Variants in SEMA5A observed in about 807,000 individuals in gnomAD.
The protein encoded by SEMA5A is semaphorin-5A.
A neutral mutation model predicts 135.5 loss-of-function variants in SEMA5A; 55 were observed. That is an observed-to-expected ratio of 0.41 (90% CI 0.33 to 0.51). The LOEUF is 0.51. SEMA5A is among the 20% of genes least tolerant of loss of function. SEMA5A has a pLI of 0.37. For synonymous variants in SEMA5A, 580 were observed against 546.5 expected (o/e 1.06, Z -0.85); for missense variants, 1,290 against 1,419.9 (o/e 0.91, Z 1.47).
At chr5:9,534,743 A>T (rs375260798) in intron 1 of SEMA5A, among the ~76,000 whole-genome samples, 1 of 152,202 alleles carries the variant, frequency 6.6e-6, no homozygotes, top group Non-Finnish European at 1.5e-5. Flanking sequence ...CACGGGCAGC[A>T]TGGGGCGGGG....
intron 1 of SEMA5A, among the ~76,000 whole-genome samples, chr5:9,452,130 T>C (rs1272903035): frequency 2.6e-5 from 4 of 152,206 alleles, no homozygotes; most frequent in Non-Finnish European, 4.4e-5. Context: ...GGCCCTGCCC[T>C]GTCTCCTAAT....
chr5:9,325,238 C>CT (rs10710962), intron 4 of SEMA5A, among the ~76,000 whole-genome samples: 4,031 of 145,184 alleles, frequency 0.028, 78 homozygotes, highest in Non-Finnish European at 0.04. Flanking sequence ...TATGGATCTA[C>CT]TTTTTTTTTT....
intron 1 of SEMA5A, among the ~76,000 whole-genome samples, chr5:9,490,914 C>G (rs1174391440): frequency 6.6e-6 from 1 of 152,202 alleles, no homozygotes; most frequent in Non-Finnish European, 1.5e-5. Flanking sequence ...TGCCTTTCCA[C>G]TGTGTCTTCT....
chr5:9,350,570 AG>A (rs1561173606), intron 3 of SEMA5A, among the ~76,000 whole-genome samples: 1 of 152,226 alleles, frequency 6.6e-6, no homozygotes, highest in Non-Finnish European at 1.5e-5. Flanking sequence ...GACTTCAGGA[AG>A]GGCTGGAGTC....
At chr5:9,361,286 G>A (rs1441464984) in intron 3 of SEMA5A, among the ~76,000 whole-genome samples, 3 of 138,912 alleles carry the variant, frequency 2.2e-5, no homozygotes, top group African/African-American at 5.5e-5. Context: ...GCAACAAAGC[G>A]AGACTCTGTC....
intron 16 of SEMA5A, among the ~76,000 whole-genome samples, chr5:9,088,659 T>TATATATATATATATATATATAC: frequency 1.8e-5 from 2 of 112,890 alleles, no homozygotes; most frequent in African/African-American, 8.5e-5. Flanking sequence ...TATATATATA[T>TATATATATATATATATATATAC]ACACACACAC....
chr5:9,234,319 T>G (rs911261671), intron 6 of SEMA5A, among the ~76,000 whole-genome samples: 1 of 152,202 alleles, frequency 6.6e-6, no homozygotes, highest in African/African-American at 2.4e-5. Context: ...TCCCAGGAGC[T>G]GGGCTTGGTC....
At chr5:9,282,757 C>T (rs1376741300) in intron 5 of SEMA5A, among the ~76,000 whole-genome samples, 1 of 152,144 alleles carries the variant, frequency 6.6e-6, no homozygotes, top group African/African-American at 2.4e-5. Flanking sequence ...ACATGTGCAC[C>T]TCCCCATCCC....
intron 1 of SEMA5A, among the ~76,000 whole-genome samples, chr5:9,460,954 C>T (rs1759032624): frequency 6.6e-6 from 1 of 151,990 alleles, no homozygotes; most frequent in African/African-American, 2.4e-5. Context: ...ACAATTTTTC[C>T]CTCAATTTGC....
At chr5:9,231,194 G>A (rs1013224552) in intron 6 of SEMA5A, among the ~76,000 whole-genome samples, 9 of 152,028 alleles carry the variant, frequency 5.9e-5, no homozygotes, top group East Asian at 1.9e-4. Flanking sequence ...GGCTGGGCAC[G>A]GTGGTTCCAT....
At chr5:9,316,712 G>T (rs1752408332) in intron 5 of SEMA5A, among the ~76,000 whole-genome samples, 1 of 152,000 alleles carries the variant, frequency 6.6e-6, no homozygotes, top group South Asian at 2.1e-4. Flanking sequence ...ATGTCACTTT[G>T]ATATACGTAT....
chr5:9,251,930 G>A (rs1748815594), intron 5 of SEMA5A, among the ~76,000 whole-genome samples: 1 of 152,162 alleles, frequency 6.6e-6, no homozygotes, highest in Non-Finnish European at 1.5e-5. Flanking sequence ...GTAGAAAGGA[G>A]CTTAACAACT....
At position 9,428,304 on chromosome 5, in the gene SEMA5A, T is replaced by G. The variant is rs538305557; in HGVS notation, c.-78+9452A>C. ...AAATACAATTTCAGTCTTCTGAGCT[T>G]GGCTCACCCCACAACCTGACAGTCA... On this transcript the variant is annotated intron_variant, in intron 2 of 22. Coordinates refer to ENST00000382496, the MANE Select transcript of SEMA5A (RefSeq NM_003966.3). Among the ~76,000 whole-genome samples, 3 of 152,230 alleles carry G rather than the reference T, an allele frequency of 2.0e-5. No homozygotes were observed. In the East Asian group the frequency reaches 5.8e-4, roughly 29 times the overall value.
intron 3 of SEMA5A, among the ~76,000 whole-genome samples, chr5:9,361,879 T>C (rs2126380520): frequency 6.6e-6 from 1 of 152,264 alleles, no homozygotes; most frequent in South Asian, 2.1e-4. Context: ...ACCAAGAAGC[T>C]GTGTTTACAA....
intron 1 of SEMA5A, among the ~76,000 whole-genome samples, chr5:9,480,175 T>C (rs937087836): frequency 1.3e-5 from 2 of 152,112 alleles, no homozygotes; most frequent in African/African-American, 4.8e-5. Flanking sequence ...AAACCATCTC[T>C]AGACATTGCC....
intron 2 of SEMA5A, among the ~76,000 whole-genome samples, chr5:9,408,723 A>G (rs906984276): frequency 2.6e-5 from 4 of 152,238 alleles, no homozygotes; most frequent in Non-Finnish European, 5.9e-5. Context: ...AAGGTGCACA[A>G]GTTCACAGAA....
rs926745944 is a variant in SEMA5A, at chr5:9,042,707, C to T, written c.*190G>A. On this transcript the variant is annotated 3_prime_UTR_variant, in exon 23 of 23. Coordinates refer to ENST00000382496, the MANE Select transcript of SEMA5A (RefSeq NM_003966.3). ...CATTCAACAATGGTCAAGATTTTCA[C>T]GATGTCTTATTTCAATTTTTGTTGC... The T allele has an allele frequency of 8.4e-6, 5 of 595,304 alleles. No individual in the cohort carries two copies. Among genetic ancestry groups the T allele is most frequent in the African/African-American group, 3.8e-5 (2 of 52,672 alleles). 36.9% of individuals were successfully genotyped at this position (595,304 alleles called of 1,614,324 possible).
chr5:9,326,651 G>A (rs1190263833), intron 4 of SEMA5A, among the ~76,000 whole-genome samples: 1 of 152,094 alleles, frequency 6.6e-6, no homozygotes, highest in Non-Finnish European at 1.5e-5. Context: ...GCGTAGTGGT[G>A]CACAACTGTA....
chr5:9,243,748 G>A (rs534810845), intron 5 of SEMA5A, among the ~76,000 whole-genome samples: 8 of 152,120 alleles, frequency 5.3e-5, no homozygotes, highest in Non-Finnish European at 8.8e-5. Flanking sequence ...ACTTGCCAAA[G>A]GCCACAGAGT....
Sources: gnomAD v4.1 joint callset for allele counts (sites outside exome capture counted in the v4.1 genomes callset) on GRCh38, gnomAD v4.1.1 for gene constraint, MANE v1.5 for transcripts, NCBI Gene and HGNC (gene_info 2026-07-23, HGNC 2026-07-21) for gene names.